The following LTBP1 variants were observed in gnomAD, a reference collection of about 807,000 sequenced individuals.
LTBP1 encodes latent-transforming growth factor beta-binding protein 1.
LTBP1 carries 129 observed loss-of-function variants against 207.6 expected under a neutral mutation model. The observed-to-expected ratio is 0.62, with a 90% CI of 0.54 to 0.72. The LOEUF is 0.72. Ranked by LOEUF, LTBP1 falls within the 30% of genes least tolerant of loss-of-function variation. LTBP1 has a pLI of 0.00. For synonymous variants in LTBP1, 963 were observed against 833.7 expected (o/e 1.16, Z -2.67); for missense variants, 2,281 against 2,217.2 (o/e 1.03, Z -0.58).
intron 7 of LTBP1, among the ~76,000 whole-genome samples, chr2:33,205,509 ACTCTG>A (rs1304812400): frequency 2.6e-5 from 4 of 152,022 alleles, no homozygotes; most frequent in African/African-American, 7.2e-5. Context: ...TGAGCAGAGG[ACTCTG>A]CTCTGCATAT....
At chr2:33,005,672 C>A (rs577640433) in intron 2 of LTBP1, among the ~76,000 whole-genome samples, 1 of 151,392 alleles carries the variant, frequency 6.6e-6, no homozygotes, top group African/African-American at 2.4e-5. Context: ...CTGCAACCTC[C>A]GCTTCCCAGG....
At chr2:33,278,606 T>G (rs139526656) in intron 18 of LTBP1, among the ~76,000 whole-genome samples, 1 of 152,148 alleles carries the variant, frequency 6.6e-6, no homozygotes, top group Non-Finnish European at 1.5e-5. Flanking sequence ...AAAGCCGAGG[T>G]GAGAGCAGGT....
intron 19 of LTBP1, among the ~76,000 whole-genome samples, chr2:33,287,458 A>G (rs573595035): frequency 6.6e-6 from 1 of 152,258 alleles, no homozygotes; most frequent in African/African-American, 2.4e-5. Context: ...ATAAAAGAGC[A>G]TAGAAAGGAG....
intron 27 of LTBP1, among the ~76,000 whole-genome samples, chr2:33,361,048 T>G (rs1168940356): frequency 6.6e-6 from 1 of 152,210 alleles, no homozygotes; most frequent in Non-Finnish European, 1.5e-5. Context: ...TTAAAATCAG[T>G]CTTTGTTGCT....
intron 4 of LTBP1, among the ~76,000 whole-genome samples, chr2:33,117,342 C>T (rs140396355): frequency 6.6e-5 from 10 of 152,112 alleles, no homozygotes; most frequent in East Asian, 1.9e-4. Context: ...TCGAGAAGCA[C>T]GGCAAGTCAC....
chr2:33,277,799 C>CTT (rs1558933708), intron 18 of LTBP1, among the ~76,000 whole-genome samples: 35 of 47,408 alleles, frequency 7.4e-4, no homozygotes, highest in South Asian at 1.4e-3. Flanking sequence ...CTTTCTTTCT[C>CTT]TCTCTCTTTC....
intron 7 of LTBP1, among the ~76,000 whole-genome samples, chr2:33,207,575 G>A (rs1573185544): frequency 6.6e-6 from 1 of 152,090 alleles, no homozygotes; most frequent in East Asian, 1.9e-4. Flanking sequence ...TTTTTTACAA[G>A]TTCTCTTAGA....
intron 30 of LTBP1, among the ~76,000 whole-genome samples, chr2:33,365,119 C>T (rs1443775431): frequency 6.6e-6 from 1 of 152,024 alleles, no homozygotes; most frequent in Non-Finnish European, 1.5e-5. Flanking sequence ...GTGTCGGGAC[C>T]GGATGGGCAG....
At chr2:33,378,819 C>T (rs112695053) in intron 31 of LTBP1, among the ~76,000 whole-genome samples, 5,021 of 152,288 alleles carry the variant, frequency 0.033, 104 homozygotes, top group Non-Finnish European at 0.052. Flanking sequence ...GCAGGCAAGC[C>T]GGGCAGAGGA....
intron 26 of LTBP1, among the ~76,000 whole-genome samples, chr2:33,358,852 A>G (rs2094895265): frequency 6.6e-6 from 1 of 152,200 alleles, no homozygotes; most frequent in African/African-American, 2.4e-5. Context: ...AATTTAAAAT[A>G]CGTACTCTTA....
intron 3 of LTBP1, among the ~76,000 whole-genome samples, chr2:33,103,209 A>T (rs1292326807): frequency 6.7e-6 from 1 of 149,196 alleles, no homozygotes; most frequent in African/African-American, 2.5e-5. Context: ...TGCAGTCTCT[A>T]TGTTGTATAT....
rs988518492 is a variant in LTBP1, at chr2:32,977,255, C to A, written c.565+28310C>A. On this transcript the variant is annotated intron_variant, in intron 2 of 33. Coordinates refer to ENST00000404816, the MANE Select transcript of LTBP1 (RefSeq NM_206943.4). Reference sequence around the variant, plus strand: ...TCTGCCTGCTGAGTTCAGGCAGAAGCAGGACTGCTGGGTTGGAAGCTCTAG... The same window carrying A: ...TCTGCCTGCTGAGTTCAGGCAGAAGAAGGACTGCTGGGTTGGAAGCTCTAG... Among the ~76,000 whole-genome samples the A allele has an allele frequency of 4.0e-4, 61 of 152,104 alleles. 1 individual carries two copies. The highest frequency in any genetic ancestry group is 1.4e-3 in the African/African-American group (57 of 41,476).
At position 33,227,868 on chromosome 2, in the gene LTBP1, A is replaced by C. The variant is rs141183219; in HGVS notation, c.1876+5717A>C. ...TCGCCAGGCTGGAGTGCAGTGGCATAATCTTGGCTCACTGCAGCCTCTGCC... is the reference window on the plus strand; with the variant it reads ...TCGCCAGGCTGGAGTGCAGTGGCATCATCTTGGCTCACTGCAGCCTCTGCC... On this transcript the variant is annotated intron_variant, in intron 9 of 33. Coordinates refer to ENST00000404816, the MANE Select transcript of LTBP1 (RefSeq NM_206943.4). Among the ~76,000 whole-genome samples, 408 of 136,010 alleles carry C rather than the reference A, an allele frequency of 3.0e-3. 3 individuals are homozygous for C. The highest frequency in any genetic ancestry group is 0.011 in the African/African-American group (395 of 35,704). The allele number at this position is 136,010 out of a possible 152,430, so 89.2% of individuals were successfully genotyped here.
rs890683268 is a variant in LTBP1, at chr2:33,123,122, A to T, written c.1034-11671A>T. Reference sequence around the variant, plus strand: ...ACATTCCCTCTTTCCACATAGAAAGAGGAGTGGGTGGGTCAGTTCCATCAG... The same window carrying T: ...ACATTCCCTCTTTCCACATAGAAAGTGGAGTGGGTGGGTCAGTTCCATCAG... On this transcript the variant is annotated intron_variant, in intron 4 of 33. Transcript: ENST00000404816. Among the ~76,000 whole-genome samples the T allele has an allele frequency of 2.6e-5, 4 of 152,198 alleles. No homozygotes were observed. The South Asian group carries it at 8.3e-4, about 32-fold the overall frequency.
At chr2:33,011,852 C>T (rs1410419647) in intron 2 of LTBP1, among the ~76,000 whole-genome samples, 1 of 151,966 alleles carries the variant, frequency 6.6e-6, no homozygotes, top group Admixed American at 6.6e-5. Context: ...AATCCTGAAT[C>T]AGTGGGGTCT....
intron 26 of LTBP1, among the ~76,000 whole-genome samples, chr2:33,359,465 T>C (rs1234069574): frequency 1.3e-5 from 2 of 152,206 alleles, no homozygotes; most frequent in Admixed American, 1.3e-4. Flanking sequence ...AATATAATTA[T>C]CTACTAACTT....
At chr2:32,971,232 C>G (rs1680831643) in intron 2 of LTBP1, among the ~76,000 whole-genome samples, 1 of 152,076 alleles carries the variant, frequency 6.6e-6, no homozygotes, top group African/African-American at 2.4e-5. Context: ...ATCATATTGT[C>G]TGCAAATAGA....
In LTBP1 at chr2:33,129,276, T is replaced by A. The variant is rs115784167; in HGVS notation, c.1034-5517T>A. ...CAACTGTCCAGGCATACTTCTTCAG[T>A]TTAGGGATGCGGAACACCCAGAAAA... On this transcript the variant is annotated intron_variant, in intron 4 of 33. Coordinates refer to ENST00000404816, the MANE Select transcript of LTBP1 (RefSeq NM_206943.4). Among the ~76,000 whole-genome samples the A allele has an allele frequency of 5.9e-3, 892 of 152,258 alleles. 8 individuals carry two copies. Among genetic ancestry groups the A allele is most frequent in the African/African-American group, 0.02 (828 of 41,544 alleles).
Position 33,139,438 on chromosome 2 carries a change from T to C in LTBP1, c.1201+4478T>C, listed in dbSNP as rs559531156. Among the ~76,000 whole-genome samples the C allele has an allele frequency of 3.3e-5, 5 of 152,314 alleles. No individual in the cohort carries two copies. In the South Asian group the frequency reaches 1.0e-3, roughly 32 times the overall value. ...AACAGCTTATACTTTGAGGAAGAGA[T>C]GAAGGGTATATGTAAATAACCCTAA... On this transcript the variant is annotated intron_variant, in intron 5 of 33. Transcript: ENST00000404816.
Sources: allele counts gnomAD v4.1 joint callset (sites outside exome capture counted in the v4.1 genomes callset), GRCh38; gene constraint gnomAD v4.1.1; transcripts MANE v1.5; gene names NCBI Gene and HGNC (gene_info 2026-07-23, HGNC 2026-07-21).